The following APBA2 variants were observed in gnomAD, a reference collection of about 807,000 sequenced individuals.
APBA2 encodes amyloid beta precursor protein binding family A member 2, also known as amyloid-beta A4 precursor protein-binding family A member 2.
In APBA2, 30 loss-of-function variants were observed where a neutral mutation model predicts 75.0. The observed-to-expected ratio is 0.40, with a 90% CI of 0.30 to 0.54. APBA2 has a LOEUF of 0.54. Ranked by LOEUF, APBA2 falls within the 20% of genes least tolerant of loss-of-function variation. The pLI is 0.49. For synonymous variants in APBA2, 444 were observed against 409.6 expected, an observed-to-expected ratio of 1.08 and a Z score of -1.01; for missense variants, 801 against 1,016.1, an observed-to-expected ratio of 0.79 and a Z score of 2.88.
intron 9 of APBA2, among the ~76,000 whole-genome samples, chr15:29,100,326 G>T (rs563201904): frequency 6.6e-6 from 1 of 152,294 alleles, no homozygotes; most frequent in South Asian, 2.1e-4. Context: ...CATGGCTTTG[G>T]CCAGAAAAAA....
intron 3 of APBA2, among the ~76,000 whole-genome samples, chr15:29,038,606 G>A (rs768881777): frequency 6.6e-6 from 1 of 151,528 alleles, no homozygotes; most frequent in Non-Finnish European, 1.5e-5. Context: ...TCTGTCTGGA[G>A]TAGGGGCCCT....
chr15:29,113,780 C>T lies in APBA2; in HGVS notation c.2038-96C>T, dbSNP rs1303896598. 33 of 1,516,538 alleles carry T rather than the reference C, an allele frequency of 2.2e-5. No homozygotes were observed. In the Admixed American group the frequency reaches 4.1e-4, roughly 19 times the overall value. 93.9% of individuals were successfully genotyped at this position (1,516,538 alleles called of 1,614,324 possible). ...GCACGTGCACGTATTCATCATGTGGCGCTTTTCCCTCTGCATGTCCCATCT... is the reference window on the plus strand; with the variant it reads ...GCACGTGCACGTATTCATCATGTGGTGCTTTTCCCTCTGCATGTCCCATCT... On this transcript the variant is annotated intron_variant, in intron 13 of 14. Transcript: ENST00000683413.
intron 1 of APBA2, among the ~76,000 whole-genome samples, chr15:28,896,133 G>A (rs2032469930): frequency 6.6e-6 from 1 of 152,128 alleles, no homozygotes; most frequent in South Asian, 2.1e-4. Context: ...TGATTTGAAG[G>A]AGAGGGAGCT....
intron 6 of APBA2, among the ~76,000 whole-genome samples, chr15:29,092,266 A>G (rs2152950862): frequency 6.6e-6 from 1 of 152,300 alleles, no homozygotes; most frequent in East Asian, 1.9e-4. Context: ...CCCTAGCTGG[A>G]GCCTTATTGT....
At chr15:29,032,500 T>C (rs1177794432) in intron 3 of APBA2, among the ~76,000 whole-genome samples, 1 of 152,254 alleles carries the variant, frequency 6.6e-6, no homozygotes, top group African/African-American at 2.4e-5. Context: ...TCTGCAGTCA[T>C]GTGAGCCAAT....
intron 3 of APBA2, among the ~76,000 whole-genome samples, chr15:28,996,780 G>GGGA (rs1177950720): frequency 6.6e-6 from 1 of 152,234 alleles, no homozygotes; most frequent in Non-Finnish European, 1.5e-5. Context: ...AGCTTGGACA[G>GGGA]GGAGGCAGTT....
chr15:29,095,960 G>C (rs2043830050), intron 8 of APBA2, among the ~76,000 whole-genome samples: 1 of 152,178 alleles, frequency 6.6e-6, no homozygotes, highest in Non-Finnish European at 1.5e-5. Context: ...GCTGGCTTCT[G>C]GGACCTGCAG....
At chr15:29,036,112 C>T (rs537271817) in intron 3 of APBA2, among the ~76,000 whole-genome samples, 333 of 152,272 alleles carry the variant, frequency 2.2e-3, no homozygotes, top group Non-Finnish European at 3.9e-3. Context: ...CTGCCTTGCC[C>T]CTCCCTTGTG....
rs1330406340 is a variant in APBA2, at chr15:29,101,715, G to A, written c.1455G>A (p.Glu485=). The change falls in exon 10 of 15, where the codon GAG becomes GAA. Residue 485 remains glutamate (E), a synonymous_variant. Coordinates refer to ENST00000683413, the MANE Select transcript of APBA2 (RefSeq NM_001353788.2). Reference sequence around the variant, plus strand: ...GGTCAGCCTCTCAGGACTGCATCGAGACCACGCCCGGGGCCCAGGAAGGCA... The same window carrying A: ...GGTCAGCCTCTCAGGACTGCATCGAAACCACGCCCGGGGCCCAGGAAGGCA... ...MPRSASQDCI[E]TTPGAQEGKK... 2 of 1,613,586 alleles carry A rather than the reference G, an allele frequency of 1.2e-6. No homozygotes were observed. The highest frequency in any genetic ancestry group is 8.5e-7 in the Non-Finnish European group (1 of 1,180,044).
intron 3 of APBA2, among the ~76,000 whole-genome samples, chr15:28,998,814 C>T (rs1211970249): frequency 1.3e-5 from 2 of 152,184 alleles, no homozygotes; most frequent in African/African-American, 4.8e-5. Flanking sequence ...AAAGTGAGAT[C>T]CCTACCTCAC....
At chr15:29,053,405 T>C (rs2041701931) in intron 3 of APBA2, among the ~76,000 whole-genome samples, 1 of 152,092 alleles carries the variant, frequency 6.6e-6, no homozygotes, top group Non-Finnish European at 1.5e-5. Flanking sequence ...TGAGGGGTCA[T>C]GGATTTAGAT....
chr15:29,038,401 G>A (rs1002083183), intron 3 of APBA2, among the ~76,000 whole-genome samples: 2 of 152,210 alleles, frequency 1.3e-5, no homozygotes, highest in Non-Finnish European at 1.5e-5. Flanking sequence ...GGTCATCCTT[G>A]AATGGTTAGC....
At chr15:28,972,249 A>G (rs2037105703) in intron 2 of APBA2, among the ~76,000 whole-genome samples, 1 of 152,226 alleles carries the variant, frequency 6.6e-6, no homozygotes, top group Non-Finnish European at 1.5e-5. Context: ...GTAATTGGTG[A>G]CCCTGAAGAA....
chr15:29,045,153 C>G (rs1422375817), intron 3 of APBA2, among the ~76,000 whole-genome samples: 1 of 149,238 alleles, frequency 6.7e-6, no homozygotes, highest in Non-Finnish European at 1.5e-5. Context: ...TCTCGGCTCA[C>G]TGCAACCTCC....
chr15:29,065,890 C>T (rs2042359421), intron 4 of APBA2, among the ~76,000 whole-genome samples: 1 of 152,210 alleles, frequency 6.6e-6, no homozygotes, highest in African/African-American at 2.4e-5. Context: ...GCCTGGTCTG[C>T]TGTGGGTGCA....
chr15:29,101,582 T>A lies in APBA2; in HGVS notation c.1339-17T>A, dbSNP rs2044125806. The A allele has an allele frequency of 1.9e-6, 3 of 1,610,982 alleles. No homozygotes were observed. The highest frequency in any genetic ancestry group is 1.3e-5 in the African/African-American group (1 of 74,886). Reference sequence around the variant, plus strand: ...CCAGTAGTGTTCCCTGACGTGGCACTGTCTCCCTCCCGACAGGAAACCATG... The same window carrying A: ...CCAGTAGTGTTCCCTGACGTGGCACAGTCTCCCTCCCGACAGGAAACCATG... On this transcript the variant is annotated splice_polypyrimidine_tract_variant and intron_variant, in intron 9 of 14. Transcript: ENST00000683413.
At position 29,104,842 on chromosome 15, in the gene APBA2, G is replaced by T. The variant is rs538878190; in HGVS notation, c.1525-537G>T. ...CTCACACCTGCAATGCCAACAGTTT[G>T]GGAGGCCAAGGCAGGAGGATCACTT... On this transcript the variant is annotated intron_variant, in intron 10 of 14. Transcript: ENST00000683413. Among the ~76,000 whole-genome samples, 90 of 152,318 alleles carry T rather than the reference G, an allele frequency of 5.9e-4. 1 individual carries two copies. Among genetic ancestry groups the T allele is most frequent in the Non-Finnish European group, 1.0e-3 (69 of 68,032 alleles).
At chr15:29,067,258 C>T (rs1028773915) in intron 4 of APBA2, among the ~76,000 whole-genome samples, 3 of 152,134 alleles carry the variant, frequency 2.0e-5, no homozygotes, top group Admixed American at 2.0e-4. Context: ...GGACAAATAT[C>T]CAAACTATAT....
chr15:28,987,788 A>G (rs1356470688), intron 2 of APBA2, among the ~76,000 whole-genome samples: 2 of 124,896 alleles, frequency 1.6e-5, no homozygotes, highest in Non-Finnish European at 3.2e-5. Flanking sequence ...GAGTCTCACC[A>G]CTCTGTCACC....
Sources: gnomAD v4.1 joint callset for allele counts (sites outside exome capture counted in the v4.1 genomes callset) on GRCh38, gnomAD v4.1.1 for gene constraint, MANE v1.5 for transcripts, NCBI Gene and HGNC (gene_info 2026-07-23, HGNC 2026-07-21) for gene names.